The following GLYATL2 variants were observed in gnomAD, a reference collection of about 807,000 sequenced individuals.
The protein encoded by GLYATL2 is glycine N-acyltransferase-like protein 2.
In GLYATL2, 25 loss-of-function variants were observed where a neutral mutation model predicts 21.4. The observed-to-expected ratio is 1.17, with a 90% CI of 0.85 to 1.63. The LOEUF (loss-of-function observed/expected upper bound fraction) is 1.63. Among genes scored for constraint, GLYATL2 ranks in the 40% most tolerant of loss-of-function variants. GLYATL2 has a pLI of 0.00. For synonymous variants in GLYATL2, 114 were observed against 118.2 expected, an observed-to-expected ratio of 0.96 and a Z score of 0.23; for missense variants, 361 against 343.3, an observed-to-expected ratio of 1.05 and a Z score of -0.41.
chr11:58,885,382 C>T lies in GLYATL2; in HGVS notation n.60+18774G>A, dbSNP rs900633279. On this transcript the variant is annotated intron_variant and non_coding_transcript_variant, in intron 1 of 4. Coordinates refer to the GLYATL2 transcript ENST00000533636. ...TTTCTCTTCCTCTTCACATCCAGATCCCCATCTCTAGGGATCTCAACCTCT... is the reference window on the plus strand; with the variant it reads ...TTTCTCTTCCTCTTCACATCCAGATTCCCATCTCTAGGGATCTCAACCTCT... The T allele has an allele frequency of 7.1e-5, 25 of 353,496 alleles. No individual in the cohort carries two copies. In the Admixed American group the frequency reaches 8.1e-4, roughly 11 times the overall value. The allele number at this position is 353,496 out of a possible 1,614,324, so 21.9% of individuals were successfully genotyped here.
chr11:58,870,848 C>T (rs973261711), intron 1 of GLYATL2, among the ~76,000 whole-genome samples: 1 of 152,212 alleles, frequency 6.6e-6, no homozygotes, highest in Non-Finnish European at 1.5e-5. Context: ...GTCCTCTTTA[C>T]AAGCATCCTT....
At position 58,837,437 on chromosome 11, in the gene GLYATL2, A is replaced by G. The variant is rs769271254; in HGVS notation, c.187-40T>C. 4.4e-6 allele frequency: 7 copies of G among 1,582,994 alleles called. No homozygotes were observed. In the Admixed American group the frequency reaches 1.0e-4, roughly 23 times the overall value. Reference sequence around the variant, plus strand: ...ATCAATTATATTTACATAGCGCTACAATTTACAAAATGTTCTTGCATAGGT... The same window carrying G: ...ATCAATTATATTTACATAGCGCTACGATTTACAAAATGTTCTTGCATAGGT... On this transcript the variant is annotated intron_variant, in intron 3 of 5. Transcript: ENST00000287275.
At chr11:58,845,818 T>C (rs1223993236), upstream of GLYATL2, among the ~76,000 whole-genome samples, 2 of 152,174 alleles carry the variant, frequency 1.3e-5, no homozygotes, top group East Asian at 3.8e-4. Context: ...TATGATTCCA[T>C]AGAGAGTGAT....
chr11:58,880,371 G>A (rs1854311744), intron 1 of GLYATL2, among the ~76,000 whole-genome samples: 2 of 152,144 alleles, frequency 1.3e-5, no homozygotes, highest in South Asian at 4.1e-4. Flanking sequence ...ATGGAGTAGG[G>A]AATGGATAGG....
In GLYATL2 at chr11:58,850,054, A is replaced by T. The variant is rs556578409; in HGVS notation, n.61-11686T>A. Among the ~76,000 whole-genome samples the T allele has an allele frequency of 1.3e-3, 197 of 152,350 alleles. 5 individuals are homozygous for T. The highest frequency in any genetic ancestry group is 5.2e-4 in the Admixed American group (8 of 15,304). ...ATCCTGATACCAAAACCGAAGACAC[A>T]TCAAAACACAGAAAACTACAGTCCA... On this transcript the variant is annotated intron_variant and non_coding_transcript_variant, in intron 1 of 4. Transcript: ENST00000533636.
intron 1 of GLYATL2, among the ~76,000 whole-genome samples, chr11:58,851,439 C>A (rs1469723949): frequency 1.3e-5 from 2 of 152,082 alleles, no homozygotes; most frequent in African/African-American, 4.8e-5. Context: ...GGATACATCC[C>A]AGTTGGTCAT....
At chr11:58,838,067 A>G (rs778887141) in intron 3 of GLYATL2, among the ~76,000 whole-genome samples, 194 bp downstream of exon 3, 8 of 152,126 alleles carry the variant, frequency 5.3e-5, no homozygotes, top group African/African-American at 7.2e-5. Context: ...CACATCCTGG[A>G]TTACTGATCA....
chr11:58,834,794 C>T lies in GLYATL2; in HGVS notation c.520G>A (p.Gly174Ser). The stretch of plus-strand genomic sequence containing the variant: ...AAGGCCCAGTGTTCATTCACAAGAC[C>T]TGCATGTGAAGCATCTAAGAACATG... ...SNMFLDASHAGLVNEHWAFGK... is the reference protein window; with the variant it reads ...SNMFLDASHASLVNEHWAFGK... Residue 174 changes from glycine (G) to serine (S), a missense_variant, in exon 6 of 6, where the codon GGT (glycine) becomes AGT (serine). Gly to Ser is a moderately conservative substitution (Grantham distance 56). Transcript: ENST00000287275. The T allele has an allele frequency of 6.2e-7, 1 of 1,610,928 alleles. No homozygotes were observed.
At chr11:58,891,613 C>T (rs1854545112) in intron 1 of GLYATL2, among the ~76,000 whole-genome samples, 1 of 152,230 alleles carries the variant, frequency 6.6e-6, no homozygotes, top group Admixed American at 6.5e-5. Flanking sequence ...CCTCCACCCT[C>T]TAGGACACTA....
chr11:58,838,044 C>A (rs1186944923), intron 3 of GLYATL2, among the ~76,000 whole-genome samples: 1 of 152,070 alleles, frequency 6.6e-6, no homozygotes, highest in Admixed American at 6.6e-5. Context: ...GGGTGGAATC[C>A]TAATTTTATT....
chr11:58,908,445 T>C (rs986834799), upstream of GLYATL2: 1 of 179,570 alleles, frequency 5.6e-6, no homozygotes, highest in Non-Finnish European at 1.2e-5. Context: ...TAGAAGTTAG[T>C]TATATTGTCT....
chr11:58,876,915 C>T (rs1298456167), intron 1 of GLYATL2, among the ~76,000 whole-genome samples: 1 of 152,274 alleles, frequency 6.6e-6, no homozygotes, highest in Non-Finnish European at 1.5e-5. Flanking sequence ...GGCAGGCCTC[C>T]TTGAGCTGTG....
At chr11:58,892,017 T>C (rs1854553032) in intron 1 of GLYATL2, among the ~76,000 whole-genome samples, 1 of 152,226 alleles carries the variant, frequency 6.6e-6, no homozygotes, top group African/African-American at 2.4e-5. Context: ...CAGTGAAACA[T>C]TTAACAAACT....
chr11:58,867,090 G>A (rs191592904), intron 1 of GLYATL2, among the ~76,000 whole-genome samples: 1 of 149,140 alleles, frequency 6.7e-6, no homozygotes, highest in East Asian at 2.2e-4. Context: ...CAGCCATGCG[G>A]TTCCCATTCC....
At chr11:58,909,698 G>T in the GLYATL2 span, among the ~76,000 whole-genome samples, 6 of 152,160 alleles carry the variant, frequency 3.9e-5, no homozygotes, top group Non-Finnish European at 8.8e-5. Context: ...TAATGTAGTA[G>T]GCAAATAATG....
intron 1 of GLYATL2, among the ~76,000 whole-genome samples, chr11:58,883,502 C>G (rs1477810796): frequency 6.6e-6 from 1 of 152,054 alleles, no homozygotes; most frequent in African/African-American, 2.4e-5. Context: ...ATACACCCTC[C>G]CAAGACTAAA....
At chr11:58,842,149 C>A (rs1167131695) in intron 1 of GLYATL2, among the ~76,000 whole-genome samples, 1 of 152,024 alleles carries the variant, frequency 6.6e-6, no homozygotes, top group East Asian at 1.9e-4. Flanking sequence ...AAATGCCAAC[C>A]CTATTTCAGC....
intron 1 of GLYATL2, among the ~76,000 whole-genome samples, chr11:58,903,762 G>A (rs905910531): frequency 2.6e-5 from 4 of 152,128 alleles, no homozygotes; most frequent in African/African-American, 7.2e-5. Flanking sequence ...TTCTCCTTTT[G>A]TGTGTCTTTT....
chr11:58,845,578 G>A (rs1286011816), upstream of GLYATL2, among the ~76,000 whole-genome samples: 1 of 152,106 alleles, frequency 6.6e-6, no homozygotes, highest in Non-Finnish European at 1.5e-5. Flanking sequence ...TCAGCCTGGG[G>A]AACAGGGTGA....
Sources: allele counts gnomAD v4.1 joint callset (sites outside exome capture counted in the v4.1 genomes callset), GRCh38; gene constraint gnomAD v4.1.1; transcripts MANE v1.5; gene names NCBI Gene and HGNC (gene_info 2026-07-23, HGNC 2026-07-21).